RPS6KC1: variants seen among roughly 807,000 people sequenced by gnomAD.
RPS6KC1 encodes the protein ribosomal protein S6 kinase C1.
RPS6KC1 carries 54 observed loss-of-function variants against 103.8 expected under a neutral mutation model. The observed-to-expected ratio is 0.52, with a 90% confidence interval of 0.42 to 0.65. RPS6KC1 has a LOEUF of 0.65. RPS6KC1 is among the 30% of genes least tolerant of loss of function. The probability of loss-of-function intolerance (pLI) is 0.00; values close to 1 mark genes in which losing one functional copy is unlikely to be tolerated. For missense variants in RPS6KC1, 1,151 were observed against 1,253.8 expected, an observed-to-expected ratio of 0.92 and a Z score of 1.24; for synonymous variants, 439 against 438.7, an observed-to-expected ratio of 1.00 and a Z score of -0.01.
chr1:213,257,976 G>A (rs1289918393), intron 12 of RPS6KC1, among the ~76,000 whole-genome samples: 1 of 150,218 alleles, frequency 6.7e-6, no homozygotes, highest in East Asian at 2.0e-4. Flanking sequence ...GCTAATTTTT[G>A]TATTTTTATT....
the RPS6KC1 span, among the ~76,000 whole-genome samples, chr1:213,354,849 C>T: frequency 6.6e-6 from 1 of 152,190 alleles, no homozygotes; most frequent in Non-Finnish European, 1.5e-5. Flanking sequence ...CTCGATATTG[C>T]CACATTGGGG....
At chr1:213,504,245 TGA>T in the RPS6KC1 span, among the ~76,000 whole-genome samples, 2 of 152,226 alleles carry the variant, frequency 1.3e-5, no homozygotes, top group Non-Finnish European at 2.9e-5. Flanking sequence ...AGTAGTTAAC[TGA>T]TTATATTTCT....
intron 6 of RPS6KC1, among the ~76,000 whole-genome samples, chr1:213,159,312 G>T (rs1185024589): frequency 6.6e-6 from 1 of 152,098 alleles, no homozygotes; most frequent in Non-Finnish European, 1.5e-5. Context: ...ATGTTTTAAT[G>T]ACAAAAATGT....
At chr1:213,151,927 G>C (rs2089075777) in intron 6 of RPS6KC1, among the ~76,000 whole-genome samples, 1 of 122,806 alleles carries the variant, frequency 8.1e-6, no homozygotes, top group Non-Finnish European at 1.7e-5. Flanking sequence ...CGGGCGGGGG[G>C]CTGACCCCCC....
chr1:213,557,922 G>A, the RPS6KC1 span, among the ~76,000 whole-genome samples: 126 of 152,262 alleles, frequency 8.3e-4, no homozygotes, highest in African/African-American at 2.8e-3. Context: ...AGAGGTGCCC[G>A]TCATATTTTG....
At chr1:213,795,356 C>T in the RPS6KC1 span, among the ~76,000 whole-genome samples, 1 of 152,170 alleles carries the variant, frequency 6.6e-6, no homozygotes, top group Admixed American at 6.5e-5. Context: ...TCCACTGTGT[C>T]TGTGTGCAAA....
At chr1:213,445,987 C>T in the RPS6KC1 span, among the ~76,000 whole-genome samples, 3 of 152,200 alleles carry the variant, frequency 2.0e-5, no homozygotes, top group Non-Finnish European at 4.4e-5. Flanking sequence ...CAGGGTGAGT[C>T]GGTGGTGGCA....
At chr1:213,268,507 T>C (rs914438611) in intron 14 of RPS6KC1, among the ~76,000 whole-genome samples, 2 of 150,516 alleles carry the variant, frequency 1.3e-5, no homozygotes, top group African/African-American at 4.9e-5. Flanking sequence ...AAATTGTAGA[T>C]ATGAGTTCAT....
the RPS6KC1 span, among the ~76,000 whole-genome samples, chr1:213,520,043 A>G: frequency 3.9e-4 from 59 of 152,312 alleles, no homozygotes; most frequent in African/African-American, 1.4e-3. Context: ...AGCTATGTAT[A>G]TAAGAGATCC....
the RPS6KC1 span, among the ~76,000 whole-genome samples, chr1:213,451,603 T>G: frequency 6.6e-6 from 1 of 152,118 alleles, no homozygotes. Flanking sequence ...TTAAGGCCTG[T>G]TTTTCTAGGG....
the RPS6KC1 span, among the ~76,000 whole-genome samples, chr1:213,777,790 A>G: frequency 1.3e-5 from 2 of 152,212 alleles, no homozygotes; most frequent in Non-Finnish European, 2.9e-5. Flanking sequence ...TGAAGTAGTC[A>G]TCTATTCAGA....
the RPS6KC1 span, among the ~76,000 whole-genome samples, chr1:213,443,064 T>C: frequency 2.0e-5 from 3 of 152,160 alleles, no homozygotes; most frequent in African/African-American, 7.2e-5. Flanking sequence ...GGCGGCGATG[T>C]TTCTCACTAG....
Position 213,227,534 on chromosome 1 carries a change from A to ATTCC in RPS6KC1, c.1045-2963_1045-2962insTTCC, listed in dbSNP as rs149072771. Among the ~76,000 whole-genome samples, 139 of 152,348 alleles carry ATTCC rather than the reference A, an allele frequency of 9.1e-4. 1 individual carries two copies. Among genetic ancestry groups the ATTCC allele is most frequent in the African/African-American group, 3.2e-3 (134 of 41,590 alleles). ...TGGCAAGACTATATTCCTTACTGGA[A>ATTCC]GCTCAGGAGAGGAATCTGCTTCCAA... On this transcript the variant is annotated intron_variant, in intron 8 of 14. Coordinates refer to ENST00000366960, the MANE Select transcript of RPS6KC1 (RefSeq NM_012424.6).
At chr1:213,825,738 C>T in the RPS6KC1 span, among the ~76,000 whole-genome samples, 2 of 152,136 alleles carry the variant, frequency 1.3e-5, no homozygotes, top group Admixed American at 6.5e-5. Flanking sequence ...CAAAATCAGG[C>T]ACTGAGAAAA....
chr1:213,130,203 C>T (rs1054505191), intron 6 of RPS6KC1, among the ~76,000 whole-genome samples: 5 of 152,064 alleles, frequency 3.3e-5, no homozygotes, highest in Admixed American at 1.3e-4. Context: ...AGTGTTTTAC[C>T]GGCCTTCATC....
At chr1:213,205,536 T>TTTTATATATATATATA (rs1553378412) in intron 8 of RPS6KC1, 7 of 82,320 alleles carry the variant, frequency 8.5e-5, no homozygotes, top group African/African-American at 1.4e-4. Flanking sequence ...ACAAACTCAT[T>TTTTATATATATATATA]TATATATATA....
the RPS6KC1 span, among the ~76,000 whole-genome samples, chr1:213,739,619 TA>T: frequency 6.6e-6 from 1 of 151,754 alleles, no homozygotes; most frequent in African/African-American, 2.4e-5. Context: ...ACATTAAGAA[TA>T]AAAAAAAGAT....
the RPS6KC1 span, among the ~76,000 whole-genome samples, chr1:213,610,754 T>G: frequency 6.6e-6 from 1 of 152,152 alleles, no homozygotes; most frequent in African/African-American, 2.4e-5. Context: ...TGACCACACA[T>G]GTGAGCAATT....
chr1:213,317,781 G>A, the RPS6KC1 span, among the ~76,000 whole-genome samples: 1 of 152,238 alleles, frequency 6.6e-6, no homozygotes, highest in Non-Finnish European at 1.5e-5. Context: ...TAACCTAGTA[G>A]TAGAGTTGTG....
Sources: allele counts gnomAD v4.1 joint callset (sites outside exome capture counted in the v4.1 genomes callset), GRCh38; gene constraint gnomAD v4.1.1; transcripts MANE v1.5; gene names NCBI Gene and HGNC (gene_info 2026-07-23, HGNC 2026-07-21).